Variants in PLA2G2E observed in about 807,000 individuals in gnomAD.
The protein encoded by PLA2G2E is phospholipase A2 group IIE.
In PLA2G2E, 14 loss-of-function variants were observed where a neutral mutation model predicts 16.5. The observed-to-expected ratio is 0.85, with a 90% confidence interval of 0.56 to 1.33. The LOEUF is 1.33. Ranked by LOEUF, PLA2G2E falls within the 40% of genes most tolerant of loss-of-function variation. The probability of loss-of-function intolerance (pLI) is 0.00; values close to 1 mark genes in which losing one functional copy is unlikely to be tolerated. For missense variants in PLA2G2E, 174 were observed against 190.7 expected, an observed-to-expected ratio of 0.91 and a Z score of 0.52; for synonymous variants, 72 against 77.2, an observed-to-expected ratio of 0.93 and a Z score of 0.36.
intron 1 of PLA2G2E, 127 bp downstream of exon 1, chr1:19,923,393 G>T: frequency 2.5e-6 from 2 of 790,286 alleles, no homozygotes; most frequent in Non-Finnish European, 4.0e-6. Flanking sequence ...CACCCTGGTG[G>T]CAGGAAGGGG....
Position 19,920,511 on chromosome 1 carries a change from G to C in PLA2G2E, c.287-62C>G. 1 of 1,547,312 alleles carries C rather than the reference G, an allele frequency of 6.5e-7. No individual in the cohort carries two copies. The highest frequency in any genetic ancestry group is 8.8e-7 in the Non-Finnish European group (1 of 1,136,618). On this transcript the variant is annotated intron_variant, in intron 3 of 3. Transcript: ENST00000375116. This position sits in a 1 kb window ranked among gnomAD's most constrained non-coding sequence, Gnocchi z 4.3. ...TCAGGATATGTGTGGGACAGCTCTT[G>C]GCTGCTTCTGGGTCCACGTTCTTGA...
chr1:19,920,575 G>T lies in PLA2G2E; in HGVS notation c.287-126C>A. 1 of 971,114 alleles carries T rather than the reference G, an allele frequency of 1.0e-6. No homozygotes were observed. The highest frequency in any genetic ancestry group is 1.5e-6 in the Non-Finnish European group (1 of 661,972). The allele number at this position is 971,114 out of a possible 1,614,324, so 60.2% of individuals were successfully genotyped here. On this transcript the variant is annotated intron_variant, in intron 3 of 3. Coordinates refer to ENST00000375116, the MANE Select transcript of PLA2G2E (RefSeq NM_014589.3). The surrounding 1 kb of genome is among the most constrained non-coding windows in gnomAD (Gnocchi z 4.3). ...CATTCTGATGGAAGCCCAAGCTCCC[G>T]GGTTGTTTCACGGATGGGTGAGACA... is the stretch of plus-strand genomic sequence containing the variant.
chr1:19,920,094 A>G lies in PLA2G2E; in HGVS notation c.*213T>C, dbSNP rs1214118436. ...CAGTCTTCTGGGTGCTGAAGGGTCCATGGCTCCTGGGGCAGGGTTCTTTCT... is the reference window on the plus strand; with the variant it reads ...CAGTCTTCTGGGTGCTGAAGGGTCCGTGGCTCCTGGGGCAGGGTTCTTTCT... On this transcript the variant is annotated 3_prime_UTR_variant, in exon 4 of 4. Coordinates refer to ENST00000375116, the MANE Select transcript of PLA2G2E (RefSeq NM_014589.3). The surrounding 1 kb of genome is among the most constrained non-coding windows in gnomAD (Gnocchi z 4.3). 3.1e-5 allele frequency: 17 copies of G among 553,008 alleles called. No individual in the cohort carries two copies. The highest frequency in any genetic ancestry group is 3.8e-5 in the Non-Finnish European group (12 of 311,952). The allele number at this position is 553,008 out of a possible 1,614,324, so 34.3% of individuals were successfully genotyped here. A position where few individuals can be genotyped will look rare whatever the true frequency, so the allele number is the denominator to read the frequency against.
At position 19,922,690 on chromosome 1, in the gene PLA2G2E, C is replaced by A; in HGVS notation, c.106G>T (p.Ala36Ser). Residue 36 changes from alanine to serine, a missense_variant, in exon 2 of 4, where the codon GCC (alanine) becomes TCC (serine). Physicochemically the swap from Ala to Ser is moderately conservative, Grantham distance 99. Coordinates refer to ENST00000375116, the MANE Select transcript of PLA2G2E (RefSeq NM_014589.3). ...VMIEKMTGKS[A>S]LQYNDYGCYC... Reference sequence around the variant, plus strand: ...CAGCCATAGTCGTTGTACTGCAGGGCGGACTTGCCTGTCATCTTCTCGATC... The same window carrying A: ...CAGCCATAGTCGTTGTACTGCAGGGAGGACTTGCCTGTCATCTTCTCGATC... 1 of 1,614,012 alleles carries A rather than the reference C, an allele frequency of 6.2e-7. No individual in the cohort carries two copies. Among genetic ancestry groups the A allele is most frequent in the Middle Eastern group, 1.6e-4 (1 of 6,062 alleles).
intron 1 of PLA2G2E, 94 bp downstream of exon 1, chr1:19,923,426 C>T (rs1194127832): frequency 1.8e-6 from 2 of 1,118,344 alleles, no homozygotes; most frequent in Non-Finnish European, 2.6e-6. Context: ...GTTTGGCATC[C>T]ACCACACCCT....
In PLA2G2E at chr1:19,922,685, CA is replaced by C; in HGVS notation, c.110del (p.Leu37ArgfsTer68). ...AGTAACAGCCATAGTCGTTGTACTG[CA>C]GGGCGGACTTGCCTGTCATCTTCTC... Reference protein sequence around the residue: ...MIEKMTGKSALQYNDYGCYCG... With the variant: ...MIEKMTGKSAXQYNDYGCYCG... On this transcript the variant is annotated frameshift_variant, in exon 2 of 4. Coordinates refer to ENST00000375116, the MANE Select transcript of PLA2G2E (RefSeq NM_014589.3). LOFTEE classifies it high-confidence loss of function. 1 of 1,614,060 alleles carries C rather than the reference CA, an allele frequency of 6.2e-7. No homozygotes were observed. Among genetic ancestry groups the C allele is most frequent in the South Asian group, 1.1e-5 (1 of 91,076 alleles).
At position 19,922,316 on chromosome 1, in the gene PLA2G2E, C is replaced by T. The variant is rs367824617; in HGVS notation, c.268G>A (p.Glu90Lys). ...KLEKYLFSVSERGIFCAGRTT... is the reference protein window; with the variant it reads ...KLEKYLFSVSKRGIFCAGRTT... ...CACCTACCGCAGAAAATGCCACGTT[C>T]GCTGACAGAGAAAAGATACTTTTCC... is the stretch of plus-strand genomic sequence containing the variant. Residue 90 changes from glutamate (E) to lysine (K), a missense_variant, in exon 3 of 4, where the codon GAA becomes AAA. Glu to Lys is a moderately conservative substitution (Grantham distance 56). Transcript: ENST00000375116. 10 of 1,613,674 alleles carry T rather than the reference C, an allele frequency of 6.2e-6. No individual in the cohort carries two copies. Among genetic ancestry groups the T allele is most frequent in the Admixed American group, 5.0e-5 (3 of 59,992 alleles).
Position 19,923,568 on chromosome 1 carries a change from G to C in PLA2G2E, c.-9C>G, listed in dbSNP as rs368508285. ...ACGTGGGGAGATTTCATCCCAGGTTGGGGGGAAGGGAGGTGCACAAGGAGC... is the reference window on the plus strand; with the variant it reads ...ACGTGGGGAGATTTCATCCCAGGTTCGGGGGAAGGGAGGTGCACAAGGAGC... On this transcript the variant is annotated 5_prime_UTR_variant, in exon 1 of 4. Coordinates refer to ENST00000375116, the MANE Select transcript of PLA2G2E (RefSeq NM_014589.3). The C allele has an allele frequency of 9.2e-5, 142 of 1,548,706 alleles. No homozygotes were observed. Among genetic ancestry groups the C allele is most frequent in the Admixed American group, 7.9e-5 (4 of 50,720 alleles).
chr1:19,922,686 A>C lies in PLA2G2E; in HGVS notation c.110T>G (p.Leu37Arg). Residue 37 changes from leucine (L) to arginine (R), a missense_variant, in exon 2 of 4, where the codon CTG (leucine) becomes CGG (arginine). Physicochemically the swap from Leu to Arg is moderately radical, Grantham distance 102. Coordinates refer to ENST00000375116, the MANE Select transcript of PLA2G2E (RefSeq NM_014589.3). Reference sequence around the variant, plus strand: ...GTAACAGCCATAGTCGTTGTACTGCAGGGCGGACTTGCCTGTCATCTTCTC... The same window carrying C: ...GTAACAGCCATAGTCGTTGTACTGCCGGGCGGACTTGCCTGTCATCTTCTC... The part of the protein sequence containing the change: ...MIEKMTGKSA[L>R]QYNDYGCYCG... 6.2e-7 allele frequency: 1 copy of C among 1,614,044 alleles called. No individual in the cohort carries two copies. Among genetic ancestry groups the C allele is most frequent in the Non-Finnish European group, 8.5e-7 (1 of 1,179,984 alleles).
intron 1 of PLA2G2E, 121 bp downstream of exon 1, chr1:19,923,399 A>AG: frequency 1.2e-6 from 1 of 831,986 alleles, no homozygotes; most frequent in Non-Finnish European, 1.9e-6. Flanking sequence ...GGTGGCAGGA[A>AG]GGGGGCAGCC....
chr1:19,923,427 AC>A (rs1422565308), intron 1 of PLA2G2E, 92 bp downstream of exon 1: 2 of 1,144,834 alleles, frequency 1.7e-6, no homozygotes, highest in African/African-American at 1.6e-5. Context: ...TTTGGCATCC[AC>A]CACACCCTCG....
Position 19,922,766 on chromosome 1 carries a change from G to A in PLA2G2E, c.41-11C>T, listed in dbSNP as rs777549652. The A allele has an allele frequency of 6.2e-7, 1 of 1,605,134 alleles. No individual in the cohort carries two copies. The highest frequency in any genetic ancestry group is 8.5e-7 in the Non-Finnish European group (1 of 1,174,756). On this transcript the variant is annotated splice_polypyrimidine_tract_variant and intron_variant, in intron 1 of 3. Coordinates refer to ENST00000375116, the MANE Select transcript of PLA2G2E (RefSeq NM_014589.3). ...CGGTGACCAGAGCCACTGCAGAGAG[G>A]GAGAGGGAGAGGGAGAGGGAGGGCC... is the stretch of plus-strand genomic sequence containing the variant.
intron 3 of PLA2G2E, among the ~76,000 whole-genome samples, chr1:19,921,673 C>T (rs992725039): frequency 6.6e-6 from 1 of 152,268 alleles, no homozygotes; most frequent in African/African-American, 2.4e-5. Flanking sequence ...ATCCGCCCAC[C>T]AGGCCCTGCC....
rs148618051 is a variant in PLA2G2E at position 19,922,685 on chromosome 1, C to G, written c.111G>C (p.Leu37=). 60 of 1,614,060 alleles carry G rather than the reference C, an allele frequency of 3.7e-5. No individual in the cohort carries two copies. Among genetic ancestry groups the G allele is most frequent in the Non-Finnish European group, 5.1e-5 (60 of 1,179,998 alleles). Residue 37 remains leucine, a synonymous_variant, in exon 2 of 4, where the codon CTG becomes CTC. Coordinates refer to ENST00000375116, the MANE Select transcript of PLA2G2E (RefSeq NM_014589.3). Reference sequence around the variant, plus strand: ...AGTAACAGCCATAGTCGTTGTACTGCAGGGCGGACTTGCCTGTCATCTTCT... The same window carrying G: ...AGTAACAGCCATAGTCGTTGTACTGGAGGGCGGACTTGCCTGTCATCTTCT... ...MIEKMTGKSA[L]QYNDYGCYCG... is the part of the protein sequence containing the mutation.
chr1:19,922,493 C>T, intron 2 of PLA2G2E, 89 bp from the exon 3 acceptor site: 1 of 1,547,582 alleles, frequency 6.5e-7, no homozygotes, highest in South Asian at 1.2e-5. Flanking sequence ...CCAAAGCAGC[C>T]CAGAGGAGAG....
At position 19,922,424 on chromosome 1, in the gene PLA2G2E, C is replaced by T; in HGVS notation, c.180-20G>A. ...CAGCACCTGTAAGGGTCATGGTTGA[C>T]CTGGAGGGACCTGTGAGCCAGGCTG... On this transcript the variant is annotated intron_variant, in intron 2 of 3. Coordinates refer to ENST00000375116, the MANE Select transcript of PLA2G2E (RefSeq NM_014589.3). The T allele has an allele frequency of 4.4e-6, 7 of 1,604,558 alleles. No individual in the cohort carries two copies. Among genetic ancestry groups the T allele is most frequent in the Non-Finnish European group, 6.0e-6 (7 of 1,172,904 alleles).
rs781088150 is a variant in PLA2G2E, at chr1:19,920,279, A to G, written c.*28T>C. On this transcript the variant is annotated 3_prime_UTR_variant, in exon 4 of 4. Transcript: ENST00000375116. The surrounding 1 kb of genome is among the most constrained non-coding windows in gnomAD (Gnocchi z 4.3). ...TACAGCAGCCCGAGGCGGGACCTCC[A>G]GGGACGGGGGGGAGGCCGAGCATAG... is the stretch of plus-strand genomic sequence containing the variant. The G allele has an allele frequency of 1.9e-6, 3 of 1,597,860 alleles. No individual in the cohort carries two copies. The Admixed American group carries it at 5.0e-5, about 27-fold the overall frequency.
rs1189368393 is a variant in PLA2G2E, at chr1:19,920,129, G to A, written c.*178C>T. 6.7e-6 allele frequency: 4 copies of A among 600,392 alleles called. No homozygotes were observed. Among genetic ancestry groups the A allele is most frequent in the Non-Finnish European group, 1.2e-5 (4 of 344,148 alleles). The allele number at this position is 600,392 out of a possible 1,614,324, so 37.2% of individuals were successfully genotyped here. On this transcript the variant is annotated 3_prime_UTR_variant, in exon 4 of 4. Transcript: ENST00000375116. The surrounding 1 kb of genome is among the most constrained non-coding windows in gnomAD (Gnocchi z 4.3). ...GGGCAGGGTTCTTTCTACAGAGAAG[G>A]GGTAGCCTGGGAGGCTAGTGATGGT...
chr1:19,922,807 A>G, intron 1 of PLA2G2E, 52 bp from the exon 2 acceptor site: 2 of 1,581,386 alleles, frequency 1.3e-6, no homozygotes, highest in South Asian at 1.1e-5. Context: ...CTCTGCAGCC[A>G]ACTTCCCCTG....
Sources: allele counts gnomAD v4.1 joint callset (sites outside exome capture counted in the v4.1 genomes callset), GRCh38; gene constraint gnomAD v4.1.1; non-coding constraint Gnocchi (gnomAD v3.1); transcripts MANE v1.5; gene names NCBI Gene and HGNC (gene_info 2026-07-23, HGNC 2026-07-21).